DDX60: variants seen among roughly 807,000 people sequenced by gnomAD.
The protein encoded by DDX60 is probable ATP-dependent RNA helicase DDX60.
In DDX60, 165 loss-of-function variants were observed where a neutral mutation model predicts 212.8. The ratio of observed to expected loss-of-function variants is 0.78; its 90% CI spans 0.68 to 0.88. The LOEUF (loss-of-function observed/expected upper bound fraction) is 0.88. Ranked by LOEUF, DDX60 falls within the 40% of genes least tolerant of loss-of-function variation. The pLI is 0.00. For synonymous variants in DDX60, 703 were observed against 685.3 expected (o/e 1.03, Z -0.40); for missense variants, 1,905 against 2,003.9 (o/e 0.95, Z 0.94).
intron 37 of DDX60, among the ~76,000 whole-genome samples, chr4:168,219,293 C>CAAAAAAA (rs35594263): frequency 8.0e-6 from 1 of 124,468 alleles, no homozygotes. Context: ...TCTCCGTCTC[C>CAAAAAAA]AAAAAAAAAA....
rs767918049 is a variant in DDX60, at chr4:168,287,081, A to G, written c.1306T>C (p.Cys436Arg). Residue 436 changes from cysteine (C) to arginine (R), a missense_variant, in exon 10 of 38, where the codon TGT (cysteine) becomes CGT (arginine). By Grantham distance (180) the Cys-to-Arg change is radical. Transcript: ENST00000393743. ...QPFPLRTTKV[C>R]FLEKKPSPIK... ...GGTGATGGTTTCTTTTCAAGAAAAC[A>G]AACTTTTGTTGTTCTCAGAGGAAAT... 8 of 1,608,154 alleles carry G rather than the reference A, an allele frequency of 5.0e-6. No homozygotes were observed.
chr4:168,220,654 C>T lies in DDX60; in HGVS notation c.5039+1G>A. Reference sequence around the variant, plus strand: ...AATCAATATTTAAATATATAACACACCTGATAGATTTAATGGTGAGTGCAA... The same window carrying T: ...AATCAATATTTAAATATATAACACATCTGATAGATTTAATGGTGAGTGCAA... On this transcript the variant is annotated splice_donor_variant, in intron 37 of 37. Transcript: ENST00000393743. LOFTEE classifies it high-confidence loss of function. The T allele has an allele frequency of 7.1e-7, 1 of 1,406,558 alleles. No homozygotes were observed. Among genetic ancestry groups the T allele is most frequent in the Non-Finnish European group, 9.6e-7 (1 of 1,042,378 alleles). The allele number at this position is 1,406,558 out of a possible 1,614,324, so 87.1% of individuals were successfully genotyped here.
chr4:168,217,839 C>A (rs1027045848), intron 37 of DDX60, among the ~76,000 whole-genome samples: 1 of 152,144 alleles, frequency 6.6e-6, no homozygotes, highest in Non-Finnish European at 1.5e-5. Context: ...CCCTTAAGAG[C>A]CTTTACAAAG....
Position 168,252,573 on chromosome 4 carries a change from A to G in DDX60, c.3641T>C (p.Leu1214Pro), listed in dbSNP as rs1195922311. The G allele has an allele frequency of 3.7e-6, 6 of 1,614,026 alleles. No individual in the cohort carries two copies. In the South Asian group the frequency reaches 6.6e-5, roughly 18 times the overall value. ...CTGTGGGATTTCCAGGTTCTTCTCT[A>G]GACACTTCACTAGATTATCATGTTC... ...EAEHDNLVKC[L>P]EKNLEIPQDC... Residue 1214 changes from leucine to proline, a missense_variant, in exon 27 of 38, where the codon CTA becomes CCA. Leu to Pro is a moderately conservative substitution (Grantham distance 98). Coordinates refer to ENST00000393743, the MANE Select transcript of DDX60 (RefSeq NM_017631.6).
chr4:168,319,164 C>A (rs1003324920), upstream of DDX60, among the ~76,000 whole-genome samples: 1 of 151,098 alleles, frequency 6.6e-6, no homozygotes, highest in African/African-American at 2.4e-5. Flanking sequence ...CATTGTACCC[C>A]AAAAATATAT....
At chr4:168,289,641 C>T (rs1208866889) in intron 8 of DDX60, among the ~76,000 whole-genome samples, 1 of 152,160 alleles carries the variant, frequency 6.6e-6, no homozygotes, top group Non-Finnish European at 1.5e-5. Flanking sequence ...GTGGACATTG[C>T]ATTGGCACTC....
chr4:168,318,979 G>A (rs1174754279), upstream of DDX60, among the ~76,000 whole-genome samples: 2 of 151,814 alleles, frequency 1.3e-5, no homozygotes, highest in Non-Finnish European at 2.9e-5. Context: ...ACCAGTTCTG[G>A]TATTCTATTC....
At chr4:168,275,222 T>C (rs1247350245) in intron 16 of DDX60, 123 bp downstream of exon 16, 5 of 955,334 alleles carry the variant, frequency 5.2e-6, no homozygotes, top group Non-Finnish European at 7.3e-6. Context: ...ACATTTTCAA[T>C]AACAAAGTAT....
chr4:168,243,633 G>T (rs897524190), intron 30 of DDX60, among the ~76,000 whole-genome samples: 2 of 152,182 alleles, frequency 1.3e-5, no homozygotes, highest in Admixed American at 1.3e-4. Context: ...AGAGAAACAG[G>T]AATGCTTTTA....
At chr4:168,291,549 G>A (rs1263577783) in intron 8 of DDX60, among the ~76,000 whole-genome samples, 199 bp downstream of exon 8, 1 of 152,186 alleles carries the variant, frequency 6.6e-6, no homozygotes, top group Non-Finnish European at 1.5e-5. Flanking sequence ...TTTTCCTTAG[G>A]TTAGATATAT....
At chr4:168,324,263 G>C in the DDX60 span, among the ~76,000 whole-genome samples, 1 of 152,212 alleles carries the variant, frequency 6.6e-6, no homozygotes, top group Non-Finnish European at 1.5e-5. Flanking sequence ...GTTTTCAAGA[G>C]AGCCCAGGAT....
chr4:168,269,517 C>A (rs11722089), intron 19 of DDX60, among the ~76,000 whole-genome samples: 1 of 151,926 alleles, frequency 6.6e-6, no homozygotes, highest in Non-Finnish European at 1.5e-5. Context: ...AGGAGAATGG[C>A]GTGAACCCGG....
intron 14 of DDX60, among the ~76,000 whole-genome samples, chr4:168,277,317 G>A (rs1735383227): frequency 6.6e-6 from 1 of 152,160 alleles, no homozygotes; most frequent in Non-Finnish European, 1.5e-5. Context: ...AAAGGTGAAT[G>A]ACAGATTCTT....
intron 10 of DDX60, among the ~76,000 whole-genome samples, 195 bp downstream of exon 10, chr4:168,286,853 A>G (rs1253664052): frequency 6.6e-6 from 1 of 152,188 alleles, no homozygotes; most frequent in African/African-American, 2.4e-5. Flanking sequence ...ATTAATTATA[A>G]GCAAAATGTA....
In DDX60 at chr4:168,311,378, A is replaced by G; in HGVS notation, c.-106-13T>C. The G allele has an allele frequency of 9.6e-7, 1 of 1,036,898 alleles. No individual in the cohort carries two copies. The highest frequency in any genetic ancestry group is 1.4e-6 in the Non-Finnish European group (1 of 692,048). 64.2% of individuals were successfully genotyped at this position (1,036,898 alleles called of 1,614,324 possible). On this transcript the variant is annotated splice_polypyrimidine_tract_variant and intron_variant, in intron 1 of 37. Coordinates refer to ENST00000393743, the MANE Select transcript of DDX60 (RefSeq NM_017631.6). ...GAAAATGGCAGTCCTGCAAAAAAAG[A>G]AAAGAAAATGAGTCTTTATTCAACA...
At chr4:168,310,395 C>T (rs1737078009) in intron 3 of DDX60, among the ~76,000 whole-genome samples, 4 of 152,098 alleles carry the variant, frequency 2.6e-5, no homozygotes, top group Admixed American at 2.0e-4. Context: ...TGATCCACTC[C>T]CACTTAATAA....
chr4:168,324,076 C>G, the DDX60 span, among the ~76,000 whole-genome samples: 4,241 of 152,254 alleles, frequency 0.028, 211 homozygotes, highest in African/African-American at 0.095. Context: ...AGACTCAGGA[C>G]AGGGGAGACC....
intron 30 of DDX60, among the ~76,000 whole-genome samples, chr4:168,241,529 T>G (rs1733838119): frequency 6.6e-6 from 1 of 152,126 alleles, no homozygotes; most frequent in Non-Finnish European, 1.5e-5. Flanking sequence ...GGAGCAAAGG[T>G]GACTTTCGTT....
At chr4:168,287,244 A>C (rs774604788) in intron 9 of DDX60, 41 bp from the exon 10 acceptor site, 316 of 1,502,764 alleles carry the variant, frequency 2.1e-4, no homozygotes, top group Non-Finnish European at 2.7e-4. Flanking sequence ...GAAGCCATCC[A>C]CTCCCACATA....
Sources: allele counts gnomAD v4.1 joint callset (sites outside exome capture counted in the v4.1 genomes callset), GRCh38; gene constraint gnomAD v4.1.1; transcripts MANE v1.5; gene names NCBI Gene and HGNC (gene_info 2026-07-23, HGNC 2026-07-21).